DLGAP1: variants seen among roughly 807,000 people sequenced by gnomAD.
DLGAP1 encodes the protein disks large-associated protein 1.
Under a neutral mutation model 90.8 loss-of-function variants are expected in DLGAP1, and 11 were observed. The observed-to-expected ratio is 0.12, with a 90% CI of 0.08 to 0.20. The LOEUF is 0.20. DLGAP1 is among the 10% of genes least tolerant of loss of function. DLGAP1 has a pLI of 1.00. For missense variants in DLGAP1, 1,050 were observed against 1,333.8 expected (o/e 0.79, Z 3.31); for synonymous variants, 558 against 540.7 (o/e 1.03, Z -0.44).
chr18:3,669,812 CT>C (rs1466587074), intron 7 of DLGAP1, among the ~76,000 whole-genome samples: 3 of 152,224 alleles, frequency 2.0e-5, no homozygotes, highest in Non-Finnish European at 2.9e-5. Flanking sequence ...AGAAAGTCCT[CT>C]GTCCTTGTGA....
chr18:3,834,023 T>C (rs568518522), intron 4 of DLGAP1, among the ~76,000 whole-genome samples: 1 of 152,298 alleles, frequency 6.6e-6, no homozygotes, highest in Admixed American at 6.5e-5. Flanking sequence ...TAGAGATTTA[T>C]GGGCCGGGCG....
intron 2 of DLGAP1, among the ~76,000 whole-genome samples, chr18:4,113,192 T>C (rs1412726153): frequency 2.0e-5 from 3 of 152,206 alleles, no homozygotes; most frequent in Admixed American, 2.0e-4. Context: ...CAAACTGCTT[T>C]CCACAGTGAC....
chr18:3,652,451 C>CA (rs2059348903), intron 7 of DLGAP1, among the ~76,000 whole-genome samples: 2 of 152,134 alleles, frequency 1.3e-5, no homozygotes, highest in Non-Finnish European at 2.9e-5. Context: ...CTTCAGACTC[C>CA]CAAGTAGCTA....
intron 1 of DLGAP1, among the ~76,000 whole-genome samples, chr18:4,179,848 C>T (rs551419028): frequency 7.0e-4 from 107 of 152,290 alleles, no homozygotes; most frequent in African/African-American, 2.5e-3. Context: ...TCGGCTGCGT[C>T]CCTTGGGGAA....
chr18:3,604,458 A>G (rs78292520), intron 7 of DLGAP1: 1 of 5,836 alleles, frequency 1.7e-4, no homozygotes, highest in Non-Finnish European at 3.1e-4. Context: ...ACGCACACGC[A>G]CACACACACA....
intron 5 of DLGAP1, among the ~76,000 whole-genome samples, chr18:3,759,376 A>G (rs1345612991): frequency 1.3e-5 from 2 of 152,216 alleles, no homozygotes; most frequent in Non-Finnish European, 2.9e-5. Context: ...TAGAAGCTGG[A>G]ATAACCCATT....
At chr18:3,954,353 G>A (rs1275551005) in intron 3 of DLGAP1, among the ~76,000 whole-genome samples, 2 of 152,280 alleles carry the variant, frequency 1.3e-5, no homozygotes, top group African/African-American at 2.4e-5. Flanking sequence ...ATACTAAGCT[G>A]CCAAAACAGG....
In DLGAP1 at chr18:4,092,430, A is replaced by G. The variant is rs146194041; in HGVS notation, c.-159+58750T>C. Among the ~76,000 whole-genome samples the G allele has an allele frequency of 2.9e-3, 445 of 152,192 alleles. 1 individual carries two copies. Among genetic ancestry groups the G allele is most frequent in the Non-Finnish European group, 4.5e-3 (308 of 67,994 alleles). ...CTGCCCCTCCTCCCAGTGTCAACCA[A>G]ATTCTGCCTTGCATCTGGTAGATCT... On this transcript the variant is annotated intron_variant, in intron 2 of 12. Transcript: ENST00000315677.
At chr18:3,880,956 A>G (rs1426829840) in intron 3 of DLGAP1, among the ~76,000 whole-genome samples, 3 of 150,738 alleles carry the variant, frequency 2.0e-5, no homozygotes, top group East Asian at 1.9e-4. Context: ...AAAAAAAAAA[A>G]AAAAAAAAAA....
chr18:3,947,018 G>T lies in DLGAP1; in HGVS notation c.-73+58098C>A, dbSNP rs555994688. 9.9e-5 allele frequency among the ~76,000 whole-genome samples: 15 copies of T among 152,222 alleles called. No individual in the cohort carries two copies. In the South Asian group the frequency reaches 1.5e-3, roughly 15 times the overall value. On this transcript the variant is annotated intron_variant, in intron 3 of 12. Transcript: ENST00000315677. ...GCTCCTTGTTTTATTCTTTGAATGG[G>T]TGTTCAACAGTAATGAAGGCAGCTA...
chr18:3,827,120 C>A (rs2067762913), intron 4 of DLGAP1, among the ~76,000 whole-genome samples: 1 of 152,088 alleles, frequency 6.6e-6, no homozygotes, highest in African/African-American at 2.4e-5. Flanking sequence ...GTCATCTAAG[C>A]AGAGATGTTG....
intron 1 of DLGAP1, among the ~76,000 whole-genome samples, chr18:4,350,604 T>G (rs1239784722): frequency 2.6e-5 from 4 of 152,160 alleles, no homozygotes; most frequent in Non-Finnish European, 5.9e-5. Context: ...CCAAGTAAAG[T>G]CATTTACAGA....
chr18:4,399,145 T>C (rs925153587), intron 1 of DLGAP1, among the ~76,000 whole-genome samples: 67 of 152,236 alleles, frequency 4.4e-4, no homozygotes, highest in African/African-American at 1.5e-3. Flanking sequence ...GGACCCATTT[T>C]AAAAATCATT....
At chr18:4,353,599 A>C (rs1483312508) in intron 1 of DLGAP1, among the ~76,000 whole-genome samples, 1 of 152,116 alleles carries the variant, frequency 6.6e-6, no homozygotes, top group African/African-American at 2.4e-5. Context: ...GGCTTAGAGA[A>C]AACTTTTCAG....
At chr18:4,224,268 C>A (rs755498578) in intron 1 of DLGAP1, among the ~76,000 whole-genome samples, 3 of 152,174 alleles carry the variant, frequency 2.0e-5, no homozygotes, top group Non-Finnish European at 4.4e-5. Flanking sequence ...TCAGGTGTGA[C>A]CAACTGTTTC....
At chr18:4,387,010 T>A (rs2144377301) in intron 1 of DLGAP1, among the ~76,000 whole-genome samples, 1 of 152,298 alleles carries the variant, frequency 6.6e-6, no homozygotes, top group East Asian at 1.9e-4. Flanking sequence ...TCTAAGTCAC[T>A]CGCAATGAAA....
intron 7 of DLGAP1, among the ~76,000 whole-genome samples, chr18:3,689,465 T>C (rs1022971034): frequency 6.6e-6 from 1 of 152,244 alleles, no homozygotes; most frequent in African/African-American, 2.4e-5. Context: ...TAGCCTTGTA[T>C]GTATCAGACA....
intron 1 of DLGAP1, among the ~76,000 whole-genome samples, chr18:4,155,258 T>C (rs531763887): frequency 8.5e-4 from 130 of 152,248 alleles, no homozygotes; most frequent in Non-Finnish European, 1.6e-3. Flanking sequence ...TTAGTAAGTA[T>C]GTGCACAATT....
chr18:4,411,716 A>G (rs2082781928), intron 1 of DLGAP1, among the ~76,000 whole-genome samples: 2 of 152,186 alleles, frequency 1.3e-5, no homozygotes, highest in Non-Finnish European at 2.9e-5. Context: ...TGCAACTGGC[A>G]TTGGATTCTG....
Sources: gnomAD v4.1 joint callset for allele counts (sites outside exome capture counted in the v4.1 genomes callset) on GRCh38, gnomAD v4.1.1 for gene constraint, MANE v1.5 for transcripts, NCBI Gene and HGNC (gene_info 2026-07-23, HGNC 2026-07-21) for gene names.